GPN2: variants seen among roughly 807,000 people sequenced by gnomAD.
The protein encoded by GPN2 is ATP-binding domain 1 family member B.
Under a neutral mutation model 30.1 loss-of-function variants are expected in GPN2, and 27 were observed. The ratio of observed to expected loss-of-function variants is 0.90; its 90% CI spans 0.66 to 1.24. The LOEUF is 1.24. GPN2 is among the 50% of genes most tolerant of loss of function. The pLI, the probability that GPN2 is intolerant of heterozygous loss-of-function variation, is 0.00. For synonymous variants in GPN2, 212 were observed against 174.4 expected (o/e 1.22, Z -1.70); for missense variants, 406 against 405.4 (o/e 1.00, Z -0.01).
rs755739809 is a variant in GPN2, at chr1:26,886,015, G to A, written c.687C>T (p.Ile229=). Reference sequence around the variant, plus strand: ...TAAAGGAGACAAGGCTATAGTCTTCGATGAGCTGCACTAGCTTCTCATTGA... The same window carrying A: ...TAAAGGAGACAAGGCTATAGTCTTCAATGAGCTGCACTAGCTTCTCATTGA... ...RQLNEKLVQL[I]EDYSLVSFIP... The change falls in exon 3 of 5, where the codon ATC becomes ATT. Residue 229 remains isoleucine (I), a synonymous_variant. Transcript: ENST00000374135. The A allele has an allele frequency of 3.3e-5, 54 of 1,612,886 alleles. 1 individual carries two copies. The highest frequency in any genetic ancestry group is 1.6e-4 in the Middle Eastern group (1 of 6,074).
At chr1:26,880,875 C>A (rs1485932001) in intron 4 of GPN2, among the ~76,000 whole-genome samples, 1 of 152,210 alleles carries the variant, frequency 6.6e-6, no homozygotes, top group Admixed American at 6.5e-5. Flanking sequence ...GACTGGCTAA[C>A]CCTCACCTTG....
chr1:26,882,285 G>A (rs2081868448), intron 4 of GPN2, among the ~76,000 whole-genome samples: 1 of 151,034 alleles, frequency 6.6e-6, no homozygotes, highest in Non-Finnish European at 1.5e-5. Flanking sequence ...TTAGGAGGCT[G>A]AGGGAGGAGA....
At chr1:26,884,698 G>C (rs2081882177) in intron 3 of GPN2, among the ~76,000 whole-genome samples, 1 of 152,118 alleles carries the variant, frequency 6.6e-6, no homozygotes, top group Admixed American at 6.6e-5. Context: ...ATCTATAACT[G>C]GGCCAGGCAC....
At chr1:26,882,901 G>C (rs1243742593) in intron 4 of GPN2, among the ~76,000 whole-genome samples, 1 of 152,190 alleles carries the variant, frequency 6.6e-6, no homozygotes, top group Non-Finnish European at 1.5e-5. Context: ...TCAGTGATTA[G>C]TACAACCACC....
chr1:26,883,085 T>C (rs2124294146), intron 4 of GPN2, among the ~76,000 whole-genome samples: 1 of 152,228 alleles, frequency 6.6e-6, no homozygotes. Context: ...TAAAACTCTT[T>C]TGCCCCCAAT....
At chr1:26,887,615 G>A (rs1164085102) in intron 2 of GPN2, among the ~76,000 whole-genome samples, 1 of 151,548 alleles carries the variant, frequency 6.6e-6, no homozygotes, top group Non-Finnish European at 1.5e-5. Context: ...AGGCTGGAGT[G>A]CACTGGCATG....
At chr1:26,887,710 C>A (rs191510103) in intron 2 of GPN2, among the ~76,000 whole-genome samples, 2 of 151,340 alleles carry the variant, frequency 1.3e-5, no homozygotes, top group African/African-American at 4.9e-5. Flanking sequence ...TACAGGTGCC[C>A]GCCACCATGC....
chr1:26,879,824 C>G (rs757232251), intron 4 of GPN2, 75 bp from the exon 5 acceptor site: 1 of 905,406 alleles, frequency 1.1e-6, no homozygotes. Flanking sequence ...CTGACTTCCG[C>G]TGATGCCTAC....
chr1:26,882,667 AG>A (rs1161894234), intron 4 of GPN2, among the ~76,000 whole-genome samples: 3 of 152,198 alleles, frequency 2.0e-5, no homozygotes, highest in South Asian at 2.1e-4. Flanking sequence ...ATCAGCCTAG[AG>A]GGCCTGGACT....
rs757860304 is a variant in GPN2, at chr1:26,876,530, T to G, written c.*3147A>C. 3.3e-5 allele frequency: 5 copies of G among 152,220 alleles called. No homozygotes were observed. The highest frequency in any genetic ancestry group is 7.3e-5 in the Non-Finnish European group (5 of 68,040). 9.4% of individuals were successfully genotyped at this position (152,220 alleles called of 1,614,324 possible). ...ACCGTGCTCGGCCTTCTCTTTCATT[T>G]TCTAAGTTTTTTACTTTCCTATATT... On this transcript the variant is annotated 3_prime_UTR_variant, in exon 5 of 5. Transcript: ENST00000374135.
rs1209095643 is a variant in GPN2, at chr1:26,879,367, G to T, written c.*310C>A. ...GCCCGGAAGACTGAAGAAAAGTTTG[G>T]AAGTCACAAAAAGTAGAAAATAAAC... On this transcript the variant is annotated 3_prime_UTR_variant, in exon 5 of 5. Coordinates refer to ENST00000374135, the MANE Select transcript of GPN2 (RefSeq NM_018066.4). 3.1e-6 allele frequency: 1 copy of T among 321,886 alleles called. No individual in the cohort carries two copies. The highest frequency in any genetic ancestry group is 5.2e-5 in the East Asian group (1 of 19,142). The allele number at this position is 321,886 out of a possible 1,614,324, so 19.9% of individuals were successfully genotyped here.
At chr1:26,884,897 G>A (rs371131854) in intron 3 of GPN2, among the ~76,000 whole-genome samples, 29 of 152,244 alleles carry the variant, frequency 1.9e-4, no homozygotes, top group African/African-American at 2.9e-4. Context: ...CAGGAGAATC[G>A]GTTGAACCCA....
chr1:26,888,522 G>A (rs1474145631), intron 2 of GPN2, among the ~76,000 whole-genome samples: 1 of 152,176 alleles, frequency 6.6e-6, no homozygotes, highest in Non-Finnish European at 1.5e-5. Flanking sequence ...TAGTGCCTCT[G>A]CATAGAACAG....
chr1:26,876,218 G>A lies in GPN2; in HGVS notation c.*3459C>T, dbSNP rs536472657. On this transcript the variant is annotated 3_prime_UTR_variant, in exon 5 of 5. Coordinates refer to ENST00000374135, the MANE Select transcript of GPN2 (RefSeq NM_018066.4). ...ATGGGATTCTGGGTGACTCATTTTC[G>A]TTTTTTTTTTTTTTGAGATGTACTT... The A allele has an allele frequency of 1.6e-4, 22 of 139,864 alleles. No individual in the cohort carries two copies. The highest frequency in any genetic ancestry group is 3.0e-4 in the Non-Finnish European group (19 of 63,748). The allele number at this position is 139,864 out of a possible 1,614,324, so 8.7% of individuals were successfully genotyped here.
chr1:26,881,553 G>C (rs1388088090), intron 4 of GPN2, among the ~76,000 whole-genome samples: 1 of 152,190 alleles, frequency 6.6e-6, no homozygotes, highest in Non-Finnish European at 1.5e-5. Flanking sequence ...CCCAGCCTAG[G>C]CTGTATGGTG....
At chr1:26,887,663 G>A (rs1197031050) in intron 2 of GPN2, among the ~76,000 whole-genome samples, 1 of 151,366 alleles carries the variant, frequency 6.6e-6, no homozygotes, top group Non-Finnish European at 1.5e-5. Context: ...CTGGGTTCAC[G>A]CCATTCTCCT....
intron 4 of GPN2, 28 bp from the exon 5 acceptor site, chr1:26,879,777 G>C (rs1420186958): frequency 1.3e-6 from 2 of 1,554,274 alleles, no homozygotes; most frequent in African/African-American, 1.4e-5. Flanking sequence ...AAGGCTGATA[G>C]CATAGGCAGA....
chr1:26,890,165 G>T lies in GPN2; in HGVS notation c.-69C>A. 1 of 1,334,180 alleles carries T rather than the reference G, an allele frequency of 7.5e-7. No homozygotes were observed. The highest frequency in any genetic ancestry group is 1.0e-6 in the Non-Finnish European group (1 of 1,004,752). The allele number at this position is 1,334,180 out of a possible 1,614,324, so 82.6% of individuals were successfully genotyped here. Reference sequence around the variant, plus strand: ...GGGCAGGTAGCCGCGCCGGAGACGAGACTGAGGGCGAGGGTCCCAGTACGT... The same window carrying T: ...GGGCAGGTAGCCGCGCCGGAGACGATACTGAGGGCGAGGGTCCCAGTACGT... On this transcript the variant is annotated 5_prime_UTR_variant, in exon 1 of 5. Transcript: ENST00000374135.
At chr1:26,886,512 A>C (rs1031987043) in intron 2 of GPN2, 1 of 452,724 alleles carries the variant, frequency 2.2e-6, no homozygotes, top group Admixed American at 2.4e-5. Flanking sequence ...CAACATGGTG[A>C]AACTCCATTT....
Sources: gnomAD v4.1 joint callset for allele counts (sites outside exome capture counted in the v4.1 genomes callset) on GRCh38, gnomAD v4.1.1 for gene constraint, MANE v1.5 for transcripts, NCBI Gene and HGNC (gene_info 2026-07-23, HGNC 2026-07-21) for gene names.